The following CDH12 variants were observed in gnomAD, a reference collection of about 807,000 sequenced individuals.
The protein encoded by CDH12 is cadherin 12.
A neutral mutation model predicts 74.1 loss-of-function variants in CDH12; 41 were observed. That is an observed-to-expected ratio of 0.55 (90% CI 0.43 to 0.72). The LOEUF is 0.72. CDH12 is among the 30% of genes least tolerant of loss of function. The pLI is 0.00. For synonymous variants in CDH12, 399 were observed against 355.0 expected, an observed-to-expected ratio of 1.12 and a Z score of -1.39; for missense variants, 945 against 977.2, an observed-to-expected ratio of 0.97 and a Z score of 0.44.
chr5:22,117,327 C>T (rs375461269), intron 4 of CDH12, among the ~76,000 whole-genome samples: 19 of 147,286 alleles, frequency 1.3e-4, no homozygotes, highest in African/African-American at 3.0e-4. Context: ...AATAAACATA[C>T]GAAAATCCTA....
intron 3 of CDH12, among the ~76,000 whole-genome samples, chr5:22,331,486 A>G (rs199904050): frequency 6.6e-6 from 1 of 152,302 alleles, no homozygotes; most frequent in East Asian, 1.9e-4. Flanking sequence ...TACCTCTACA[A>G]GTCTACAAAA....
chr5:22,633,554 A>G (rs141353969), intron 1 of CDH12, among the ~76,000 whole-genome samples: 246 of 152,266 alleles, frequency 1.6e-3, no homozygotes, highest in Middle Eastern at 6.8e-3. Flanking sequence ...AGTAAAGTAG[A>G]TGGACCTCTC....
chr5:21,799,464 G>C (rs1357679943), intron 10 of CDH12, among the ~76,000 whole-genome samples: 5 of 152,166 alleles, frequency 3.3e-5, no homozygotes, highest in African/African-American at 9.6e-5. Flanking sequence ...AGAACATTAA[G>C]GGTTGATAGA....
chr5:21,922,426 G>A (rs1044427602), intron 6 of CDH12, among the ~76,000 whole-genome samples: 1 of 151,912 alleles, frequency 6.6e-6, no homozygotes, highest in Non-Finnish European at 1.5e-5. Flanking sequence ...CTGAATTATG[G>A]GTCATCAAAC....
Position 21,975,344 on chromosome 5 carries a change from G to A in CDH12, c.273C>T (p.Tyr91=), listed in dbSNP as rs1757023931. The A allele has an allele frequency of 4.4e-6, 7 of 1,597,018 alleles. No homozygotes were observed. The highest frequency in any genetic ancestry group is 2.3e-4 in the Middle Eastern group (1 of 4,420). The change falls in exon 6 of 15, where the codon TAC becomes TAT. Residue 91 remains tyrosine (Y), a synonymous_variant. Coordinates refer to ENST00000382254, the MANE Select transcript of CDH12 (RefSeq NM_004061.5). ...TGCCAGCGCCATCTCCTGAGAGGGT[G>A]TATTTCACAGTGCCCTCTCCCTTGT... The part of the protein sequence containing the change: ...DLDKGEGTVK[Y]TLSGDGAGTV...
intron 6 of CDH12, among the ~76,000 whole-genome samples, chr5:21,946,557 T>A (rs1229166836): frequency 1.3e-5 from 2 of 152,174 alleles, no homozygotes; most frequent in Non-Finnish European, 2.9e-5. Context: ...TAACAGTAGA[T>A]CTTGACATTA....
chr5:22,287,640 G>A (rs1039794678), intron 3 of CDH12, among the ~76,000 whole-genome samples: 10 of 150,476 alleles, frequency 6.6e-5, no homozygotes, highest in Admixed American at 2.0e-4. Context: ...GGAGAATGGC[G>A]TGAACCTGGG....
intron 6 of CDH12, among the ~76,000 whole-genome samples, chr5:21,969,806 T>C (rs1251166345): frequency 1.3e-5 from 2 of 152,114 alleles, no homozygotes; most frequent in Non-Finnish European, 2.9e-5. Flanking sequence ...CCATCATCAG[T>C]AATGAGACAA....
chr5:22,554,388 G>A (rs1376159951), intron 1 of CDH12, among the ~76,000 whole-genome samples: 1 of 152,100 alleles, frequency 6.6e-6, no homozygotes, highest in African/African-American at 2.4e-5. Context: ...GATAATGAGG[G>A]AGGCTATGAA....
chr5:22,027,322 A>G (rs1738434067), intron 5 of CDH12, among the ~76,000 whole-genome samples: 1 of 152,126 alleles, frequency 6.6e-6, no homozygotes, highest in African/African-American at 2.4e-5. Flanking sequence ...GATGATGCTG[A>G]CCTCATAAAA....
intron 3 of CDH12, among the ~76,000 whole-genome samples, chr5:22,271,384 A>G (rs1217159944): frequency 6.6e-6 from 1 of 152,162 alleles, no homozygotes; most frequent in Non-Finnish European, 1.5e-5. Flanking sequence ...TGCAATTGTC[A>G]TCACGTCTGC....
At chr5:21,889,165 G>A (rs1021609534) in intron 6 of CDH12, among the ~76,000 whole-genome samples, 3 of 151,992 alleles carry the variant, frequency 2.0e-5, no homozygotes, top group African/African-American at 7.2e-5. Flanking sequence ...CTTAAACTGA[G>A]TTTCAATAAG....
At chr5:22,144,521 C>T (rs1183422320) in intron 4 of CDH12, among the ~76,000 whole-genome samples, 1 of 151,994 alleles carries the variant, frequency 6.6e-6, no homozygotes, top group African/African-American at 2.4e-5. Context: ...GCCTCACAGT[C>T]AAAATTTTAA....
chr5:22,292,983 C>A (rs372357620), intron 3 of CDH12, among the ~76,000 whole-genome samples: 1 of 152,022 alleles, frequency 6.6e-6, no homozygotes, highest in Admixed American at 6.6e-5. Flanking sequence ...ACATCTGTTC[C>A]CAACTTGTAA....
intron 8 of CDH12, among the ~76,000 whole-genome samples, chr5:21,818,681 C>T (rs572979842): frequency 6.6e-6 from 1 of 151,918 alleles, no homozygotes; most frequent in South Asian, 2.1e-4. Context: ...ACATATAAGA[C>T]AAAATGATAC....
intron 5 of CDH12, among the ~76,000 whole-genome samples, chr5:22,001,435 C>T (rs1042070272): frequency 4.6e-5 from 7 of 152,248 alleles, no homozygotes; most frequent in African/African-American, 1.7e-4. Context: ...TCCATTTCAC[C>T]TTATGCAGTA....
intron 5 of CDH12, among the ~76,000 whole-genome samples, chr5:22,039,180 GGATCTGAGTTGC>G (rs565069162): frequency 1.4e-4 from 21 of 152,054 alleles, no homozygotes; most frequent in Non-Finnish European, 2.4e-4. Flanking sequence ...GATAACCCTT[GGATCTGAGTTGC>G]CACTGAGCCC....
intron 4 of CDH12, among the ~76,000 whole-genome samples, chr5:22,080,747 C>T (rs1742668165): frequency 6.6e-6 from 1 of 151,908 alleles, no homozygotes; most frequent in Non-Finnish European, 1.5e-5. Flanking sequence ...AATAAATACA[C>T]ATTATTAAAA....
chr5:21,759,972 T>C (rs547833862), intron 13 of CDH12, among the ~76,000 whole-genome samples: 1 of 152,282 alleles, frequency 6.6e-6, no homozygotes, highest in East Asian at 1.9e-4. Context: ...TTGCTAAAGA[T>C]AATAGCCTCC....
Sources: gnomAD v4.1 joint callset for allele counts (sites outside exome capture counted in the v4.1 genomes callset) on GRCh38, gnomAD v4.1.1 for gene constraint, MANE v1.5 for transcripts, NCBI Gene and HGNC (gene_info 2026-07-23, HGNC 2026-07-21) for gene names.